The following IER3IP1 variants were observed in gnomAD, a reference collection of about 807,000 sequenced individuals.
IER3IP1 encodes immediate early response 3 interacting protein 1, also known as immediate early response 3-interacting protein 1.
Under a neutral mutation model 12.2 loss-of-function variants are expected in IER3IP1, and 16 were observed. The observed-to-expected ratio is 1.31, with a 90% CI of 0.89 to 1.99. The LOEUF is 1.99. Among genes scored for constraint, IER3IP1 ranks in the 30% most tolerant of loss-of-function variants. IER3IP1 has a pLI of 0.00. For missense variants in IER3IP1, 95 were observed against 95.8 expected, an observed-to-expected ratio of 0.99 and a Z score of 0.03; for synonymous variants, 42 against 40.0, an observed-to-expected ratio of 1.05 and a Z score of -0.19.
At position 47,155,026 on chromosome 18, in the gene IER3IP1, G is replaced by A. The variant is rs1304471253; in HGVS notation, c.*1151C>T. On this transcript the variant is annotated 3_prime_UTR_variant, in exon 3 of 3. Transcript: ENST00000256433. Reference sequence around the variant, plus strand: ...TTAACACTGACAGGTTTATACTAAGGTACAAAAACAAGTGCTTGACTTAGA... The same window carrying A: ...TTAACACTGACAGGTTTATACTAAGATACAAAAACAAGTGCTTGACTTAGA... 1.3e-5 allele frequency: 2 copies of A among 152,076 alleles called. No individual in the cohort carries two copies. Among genetic ancestry groups the A allele is most frequent in the Admixed American group, 6.5e-5 (1 of 15,270 alleles). 9.4% of individuals were successfully genotyped at this position (152,076 alleles called of 1,614,324 possible). A position where few individuals can be genotyped will look rare whatever the true frequency, so the allele number is the denominator to read the frequency against.
At chr18:47,166,620 A>T (rs2063996708) in intron 1 of IER3IP1, among the ~76,000 whole-genome samples, 1 of 152,206 alleles carries the variant, frequency 6.6e-6, no homozygotes, top group Admixed American at 6.5e-5. Flanking sequence ...AAGGCTACAG[A>T]TACTGAAGAA....
chr18:47,175,129 T>A (rs1322459184), intron 1 of IER3IP1, among the ~76,000 whole-genome samples: 1 of 152,202 alleles, frequency 6.6e-6, no homozygotes, highest in Non-Finnish European at 1.5e-5. Flanking sequence ...CTGAAGTAAA[T>A]GAAATGAATC....
At chr18:47,175,252 C>T (rs2064028586) in intron 1 of IER3IP1, among the ~76,000 whole-genome samples, 1 of 152,120 alleles carries the variant, frequency 6.6e-6, no homozygotes, top group Admixed American at 6.5e-5. Context: ...TAAATTCTAG[C>T]AGAGTTTTTG....
chr18:47,173,346 A>G (rs2064021132), intron 1 of IER3IP1, among the ~76,000 whole-genome samples: 1 of 151,774 alleles, frequency 6.6e-6, no homozygotes, highest in Non-Finnish European at 1.5e-5. Context: ...TGCCTTTTAT[A>G]CCTTTTTTTT....
At chr18:47,165,590 T>C (rs1453332535) in intron 1 of IER3IP1, among the ~76,000 whole-genome samples, 5 of 151,884 alleles carry the variant, frequency 3.3e-5, no homozygotes, top group African/African-American at 1.2e-4. Context: ...AAGTAAATTA[T>C]CTGGTATACT....
chr18:47,155,354 C>A lies in IER3IP1; in HGVS notation c.*823G>T, dbSNP rs540392061. The A allele has an allele frequency of 6.6e-6, 1 of 152,210 alleles. No individual in the cohort carries two copies. The highest frequency in any genetic ancestry group is 2.4e-5 in the African/African-American group (1 of 41,538). 9.4% of individuals were successfully genotyped at this position (152,210 alleles called of 1,614,324 possible). ...GATTTTTTGAAAGGTAAATGCTTCACAATAAACAGTCTTCTTGGGTAGTAC... is the reference window on the plus strand; with the variant it reads ...GATTTTTTGAAAGGTAAATGCTTCAAAATAAACAGTCTTCTTGGGTAGTAC... On this transcript the variant is annotated 3_prime_UTR_variant, in exon 3 of 3. Coordinates refer to ENST00000256433, the MANE Select transcript of IER3IP1 (RefSeq NM_016097.5).
intron 1 of IER3IP1, among the ~76,000 whole-genome samples, chr18:47,163,747 T>C (rs963758835): frequency 2.0e-5 from 3 of 152,180 alleles, no homozygotes; most frequent in Non-Finnish European, 4.4e-5. Flanking sequence ...CATACACATA[T>C]TACTTTGATA....
At chr18:47,173,761 C>G (rs1378215773) in intron 1 of IER3IP1, among the ~76,000 whole-genome samples, 1 of 152,162 alleles carries the variant, frequency 6.6e-6, no homozygotes. Flanking sequence ...GAAATCAAGG[C>G]GTAAGCAGGG....
intron 1 of IER3IP1, among the ~76,000 whole-genome samples, chr18:47,174,889 GT>G (rs2064026858): frequency 6.6e-6 from 1 of 152,102 alleles, no homozygotes; most frequent in South Asian, 2.1e-4. Flanking sequence ...CCGAGTTAAT[GT>G]TTACTCATGT....
intron 1 of IER3IP1, among the ~76,000 whole-genome samples, chr18:47,167,351 C>CTAATAACAGAGGTTTCTTACT (rs2063999389): frequency 6.6e-6 from 1 of 152,022 alleles, no homozygotes; most frequent in Non-Finnish European, 1.5e-5. Flanking sequence ...GCACCCGGCC[C>CTAATAACAGAGGTTTCTTACT]CCTGTACCAG....
At position 47,176,284 on chromosome 18, in the gene IER3IP1, C is replaced by T; in HGVS notation, c.-7G>A. 1 of 1,601,072 alleles carries T rather than the reference C, an allele frequency of 6.2e-7. No individual in the cohort carries two copies. Among genetic ancestry groups the T allele is most frequent in the Non-Finnish European group, 8.5e-7 (1 of 1,173,830 alleles). On this transcript the variant is annotated 5_prime_UTR_variant, in exon 1 of 3. Coordinates refer to ENST00000256433, the MANE Select transcript of IER3IP1 (RefSeq NM_016097.5). The stretch of plus-strand genomic sequence containing the variant: ...AGTACAGGGTAAAGGCCATGGCCGT[C>T]CGAGGCCGCCCCGAAGTCCAAGCGA...
rs147396682 is a variant in IER3IP1, at chr18:47,160,191, G to A, written c.92-2654C>T. 7.0e-3 allele frequency among the ~76,000 whole-genome samples: 1,009 copies of A among 143,246 alleles called. 12 individuals carry two copies. The highest frequency in any genetic ancestry group is 0.023 in the African/African-American group (902 of 38,942). 94.0% of individuals were successfully genotyped at this position (143,246 alleles called of 152,430 possible). A position where few individuals can be genotyped will look rare whatever the true frequency, so the allele number is the denominator to read the frequency against. On this transcript the variant is annotated intron_variant, in intron 1 of 2. Coordinates refer to ENST00000256433, the MANE Select transcript of IER3IP1 (RefSeq NM_016097.5). ...GCCTGGGCAACAAGAGCAAAACTCC[G>A]TCTCAAAAAAAAAAAAAAGTTCCCA...
chr18:47,161,138 T>A (rs530595778), intron 1 of IER3IP1, among the ~76,000 whole-genome samples: 3 of 152,366 alleles, frequency 2.0e-5, no homozygotes, highest in East Asian at 1.9e-4. Flanking sequence ...ACAGTTTTTT[T>A]AAATAGATAT....
intron 1 of IER3IP1, among the ~76,000 whole-genome samples, chr18:47,157,856 C>CTT (rs1199279779): frequency 1.3e-5 from 2 of 152,026 alleles, no homozygotes; most frequent in Non-Finnish European, 2.9e-5. Flanking sequence ...ATACAAAATA[C>CTT]TTCTCAAGTC....
chr18:47,172,691 T>C lies in IER3IP1; in HGVS notation c.91+3496A>G, dbSNP rs1254167710. ...GCTTGCAATTTAAAACATGAATTGC[T>C]TATTTCTGCAATTTTCCAATTAGTA... On this transcript the variant is annotated intron_variant, in intron 1 of 2. Transcript: ENST00000256433. This position sits in a 1 kb window ranked among gnomAD's most constrained non-coding sequence, Gnocchi z 4.0. 1.3e-5 allele frequency among the ~76,000 whole-genome samples: 2 copies of C among 152,190 alleles called. No individual in the cohort carries two copies. Among genetic ancestry groups the C allele is most frequent in the Non-Finnish European group, 2.9e-5 (2 of 68,036 alleles).
chr18:47,174,564 G>A (rs567110386), intron 1 of IER3IP1, among the ~76,000 whole-genome samples: 1 of 152,018 alleles, frequency 6.6e-6, no homozygotes, highest in South Asian at 2.1e-4. Context: ...AGCCATTCGG[G>A]AAGCTGAGGC....
intron 1 of IER3IP1, among the ~76,000 whole-genome samples, chr18:47,175,797 G>A (rs571919729): frequency 6.6e-6 from 1 of 151,830 alleles, no homozygotes; most frequent in South Asian, 2.1e-4. Context: ...CTCAGACCCC[G>A]GGTTTTCGAC....
Position 47,172,539 on chromosome 18 carries a change from G to A in IER3IP1, c.91+3648C>T, listed in dbSNP as rs1369696595. The stretch of plus-strand genomic sequence containing the variant: ...CAGAAGATAGTACCCAACCGTATAT[G>A]TAGTGTATTTTTTTCAATCTGATAA... On this transcript the variant is annotated intron_variant, in intron 1 of 2. Coordinates refer to ENST00000256433, the MANE Select transcript of IER3IP1 (RefSeq NM_016097.5). This position sits in a 1 kb window ranked among gnomAD's most constrained non-coding sequence, Gnocchi z 4.0. Among the ~76,000 whole-genome samples the A allele has an allele frequency of 6.6e-6, 1 of 152,076 alleles. No homozygotes were observed. Among genetic ancestry groups the A allele is most frequent in the Non-Finnish European group, 1.5e-5 (1 of 68,012 alleles).
intron 1 of IER3IP1, among the ~76,000 whole-genome samples, chr18:47,168,444 A>T (rs1255858793): frequency 6.6e-6 from 1 of 152,232 alleles, no homozygotes; most frequent in Non-Finnish European, 1.5e-5. Context: ...AAAGCTCATT[A>T]GATTTCAAAA....
Sources: gnomAD v4.1 joint callset for allele counts (sites outside exome capture counted in the v4.1 genomes callset) on GRCh38, gnomAD v4.1.1 for gene constraint, Gnocchi (gnomAD v3.1) non-coding constraint, MANE v1.5 for transcripts, NCBI Gene and HGNC (gene_info 2026-07-23, HGNC 2026-07-21) for gene names.